Variants in FNBP1 observed in about 807,000 individuals in gnomAD.
The protein encoded by FNBP1 is formin binding protein 1, also known as formin-binding protein 1.
FNBP1 carries 26 observed loss-of-function variants against 90.6 expected under a neutral mutation model. The observed-to-expected ratio is 0.29, with a 90% CI of 0.21 to 0.40. FNBP1 has a LOEUF of 0.40. FNBP1 is among the 10% of genes least tolerant of loss of function. The pLI is 1.00. For missense variants in FNBP1, 635 were observed against 768.0 expected (o/e 0.83, Z 2.05); for synonymous variants, 260 against 265.2 (o/e 0.98, Z 0.19).
At chr9:130,035,924 C>T (rs955333519) in intron 1 of FNBP1, among the ~76,000 whole-genome samples, 1 of 151,982 alleles carries the variant, frequency 6.6e-6, no homozygotes, top group African/African-American at 2.4e-5. Context: ...CCAGCCTGGG[C>T]GACAAGAGCG....
intron 15 of FNBP1, 68 bp downstream of exon 15, chr9:129,899,897 G>T: frequency 7.4e-7 from 1 of 1,347,608 alleles, no homozygotes; most frequent in Non-Finnish European, 9.8e-7. Flanking sequence ...AAGGAAAAGT[G>T]AAAGAAGAGT....
intron 1 of FNBP1, among the ~76,000 whole-genome samples, chr9:130,026,771 G>A (rs765525877): frequency 6.6e-6 from 1 of 151,844 alleles, no homozygotes; most frequent in Non-Finnish European, 1.5e-5. Flanking sequence ...TGGGTAACAT[G>A]GCAAAACCCT....
intron 1 of FNBP1, chr9:130,014,100 C>G: frequency 2.2e-6 from 1 of 454,946 alleles, no homozygotes; most frequent in Non-Finnish European, 4.4e-6. Context: ...TATATTCATA[C>G]AGGATGAAAC....
At chr9:130,046,591 A>C (rs1025083081), upstream of FNBP1, among the ~76,000 whole-genome samples, 1 of 149,452 alleles carries the variant, frequency 6.7e-6, no homozygotes, top group African/African-American at 2.5e-5. Context: ...AAAAAAAAAA[A>C]AAAAAAAAAA....
chr9:130,004,186 C>G (rs2055306829), intron 1 of FNBP1, among the ~76,000 whole-genome samples: 2 of 151,724 alleles, frequency 1.3e-5, no homozygotes, highest in African/African-American at 4.8e-5. Context: ...TCGCTTGAAC[C>G]TGGGACGTAG....
intron 11 of FNBP1, among the ~76,000 whole-genome samples, chr9:129,910,504 A>AAAAG (rs1298095363): frequency 0.56 from 56,428 of 100,374 alleles, 19,528 homozygotes; most frequent in East Asian, 0.73. Flanking sequence ...AAAAAAAAAA[A>AAAAG]AGAGAGAGAG....
chr9:129,971,009 C>G (rs2049369211), intron 4 of FNBP1, among the ~76,000 whole-genome samples: 1 of 152,076 alleles, frequency 6.6e-6, no homozygotes, highest in East Asian at 1.9e-4. Context: ...CCTCAGCCTC[C>G]TGAGTAGCTG....
At position 129,923,733 on chromosome 9, in the gene FNBP1, T is replaced by TA. The variant is rs1347779970; in HGVS notation, c.1170+110dup. 2.5e-6 allele frequency: 3 copies of TA among 1,187,716 alleles called. No individual in the cohort carries two copies. In the Admixed American group the frequency reaches 1.2e-4, roughly 47 times the overall value. 73.6% of individuals were successfully genotyped at this position (1,187,716 alleles called of 1,614,324 possible). ...TTTGTTTTTTTTTTTTTAACTTTTT[T>TA]ATATGTTATGGGAAAACACAATGGA... On this transcript the variant is annotated intron_variant, in intron 10 of 16. Coordinates refer to ENST00000446176, the MANE Select transcript of FNBP1 (RefSeq NM_015033.3).
chr9:129,981,404 C>T (rs1280984175), intron 2 of FNBP1, among the ~76,000 whole-genome samples: 1 of 152,196 alleles, frequency 6.6e-6, no homozygotes, highest in Non-Finnish European at 1.5e-5. Context: ...CAGTAATCCA[C>T]AGTAGGAACT....
intron 1 of FNBP1, among the ~76,000 whole-genome samples, chr9:130,028,130 T>C (rs2058519270): frequency 6.6e-6 from 1 of 152,204 alleles, no homozygotes; most frequent in South Asian, 2.1e-4. Flanking sequence ...TAGATTCAAA[T>C]GAAAGTGGTA....
intron 6 of FNBP1, among the ~76,000 whole-genome samples, chr9:129,951,927 C>G (rs1171151392): frequency 6.6e-6 from 1 of 151,342 alleles, no homozygotes; most frequent in Admixed American, 6.6e-5. Context: ...TGTGGTGGCT[C>G]ACACCTGTAA....
At chr9:130,046,693 A>G (rs924850539), upstream of FNBP1, among the ~76,000 whole-genome samples, 2 of 149,436 alleles carry the variant, frequency 1.3e-5, no homozygotes, top group African/African-American at 4.9e-5. Context: ...GCTTGAACCC[A>G]GGAGGCGGAG....
chr9:129,994,861 C>G lies in FNBP1; in HGVS notation c.122G>C (p.Ser41Thr), dbSNP rs2053747253. Reference sequence around the variant, plus strand: ...AACTTACCTGAGTTGCTTTGCATAGCTGAGTTCAATCTCTGTCCTTTCTTT... The same window carrying G: ...AACTTACCTGAGTTGCTTTGCATAGGTGAGTTCAATCTCTGTCCTTTCTTT... The part of the protein sequence containing the change: ...FVKERTEIEL[S>T]YAKQLRNLSK... The change falls in exon 2 of 17, where the codon AGC (serine) becomes ACC (threonine). Residue 41 changes from serine (S) to threonine (T), a missense_variant. Physicochemically the swap from Ser to Thr is moderately conservative, Grantham distance 58. Transcript: ENST00000446176. 6.3e-7 allele frequency: 1 copy of G among 1,585,104 alleles called. No homozygotes were observed. The highest frequency in any genetic ancestry group is 8.6e-7 in the Non-Finnish European group (1 of 1,156,416).
intron 10 of FNBP1, among the ~76,000 whole-genome samples, chr9:129,921,518 C>T (rs185024306): frequency 2.2e-4 from 33 of 152,054 alleles, no homozygotes; most frequent in African/African-American, 5.8e-4. Flanking sequence ...CTCAGTTTCC[C>T]GAGTAGCTGG....
intron 3 of FNBP1, among the ~76,000 whole-genome samples, chr9:129,978,821 C>A (rs368304952): frequency 1.3e-5 from 2 of 152,062 alleles, no homozygotes; most frequent in African/African-American, 4.8e-5. Flanking sequence ...AAAACTGAAC[C>A]GCTCCGCATA....
At chr9:129,938,935 A>G (rs75732650) in intron 6 of FNBP1, among the ~76,000 whole-genome samples, 60 of 152,124 alleles carry the variant, frequency 3.9e-4, no homozygotes, top group East Asian at 1.5e-3. Context: ...ACGCATGGTC[A>G]TTGGCAAGAG....
chr9:130,007,252 A>AAAG (rs1554852434), intron 1 of FNBP1, among the ~76,000 whole-genome samples: 8 of 148,748 alleles, frequency 5.4e-5, no homozygotes, highest in South Asian at 4.2e-4. Context: ...AAAAAAAAAA[A>AAAG]AAAAAGAAAA....
rs2046667653 is a variant in FNBP1 at position 129,954,802 on chromosome 9, G to T, written c.513+2558C>A. On this transcript the variant is annotated intron_variant, in intron 6 of 16. Transcript: ENST00000446176. The stretch of plus-strand genomic sequence containing the variant: ...ACCTGAGGTCAGGAGTTTGAGACCA[G>T]CCTGGCCAACGTGGTGAAACCCCAT... Among the ~76,000 whole-genome samples, 4 of 152,102 alleles carry T rather than the reference G, an allele frequency of 2.6e-5. No homozygotes were observed. The South Asian group carries it at 8.3e-4, about 32-fold the overall frequency.
At chr9:129,973,126 C>T (rs538224444) in intron 4 of FNBP1, among the ~76,000 whole-genome samples, 5 of 152,290 alleles carry the variant, frequency 3.3e-5, no homozygotes, top group East Asian at 1.9e-4. Context: ...CCTTTCCTCT[C>T]GCTGCCCACC....
Sources: gnomAD v4.1 joint callset for allele counts (sites outside exome capture counted in the v4.1 genomes callset) on GRCh38, gnomAD v4.1.1 for gene constraint, MANE v1.5 for transcripts, NCBI Gene and HGNC (gene_info 2026-07-23, HGNC 2026-07-21) for gene names.